The following ADRA1A variants were observed in gnomAD, a reference collection of about 807,000 sequenced individuals.
The protein encoded by ADRA1A is adrenoceptor alpha 1A, also known as alpha-1A adrenergic receptor.
Under a neutral mutation model 29.6 loss-of-function variants are expected in ADRA1A, and 31 were observed. The observed-to-expected ratio is 1.05, with a 90% CI of 0.79 to 1.41. ADRA1A has a LOEUF of 1.41. Among genes scored for constraint, ADRA1A ranks in the 40% most tolerant of loss-of-function variants. The pLI is 0.00. For synonymous variants in ADRA1A, 311 were observed against 254.3 expected (o/e 1.22, Z -2.12); for missense variants, 619 against 601.1 (o/e 1.03, Z -0.31).
chr8:26,749,480 A>G (rs1002584826), intron 2 of ADRA1A, among the ~76,000 whole-genome samples: 6 of 152,252 alleles, frequency 3.9e-5, no homozygotes, highest in African/African-American at 1.4e-4. Context: ...TAATGTGGTC[A>G]AAGATGATGC....
chr8:26,813,313 A>G (rs1809542214), intron 2 of ADRA1A, among the ~76,000 whole-genome samples: 2 of 152,236 alleles, frequency 1.3e-5, no homozygotes, highest in African/African-American at 2.4e-5. Context: ...GGCTTTTTAA[A>G]GCAGGATTGA....
chr8:26,839,128 T>A (rs1475991146), intron 2 of ADRA1A, among the ~76,000 whole-genome samples: 1 of 152,032 alleles, frequency 6.6e-6, no homozygotes, highest in Non-Finnish European at 1.5e-5. Flanking sequence ...AGGGTGCTAG[T>A]TAAGTGGTGC....
chr8:26,822,700 T>C (rs963450606), intron 2 of ADRA1A, among the ~76,000 whole-genome samples: 3 of 152,206 alleles, frequency 2.0e-5, no homozygotes, highest in South Asian at 2.1e-4. Context: ...TACAAAGGAA[T>C]GCCTGAGACT....
At chr8:26,791,972 T>G (rs914194239) in intron 2 of ADRA1A, among the ~76,000 whole-genome samples, 1 of 152,340 alleles carries the variant, frequency 6.6e-6, no homozygotes, top group East Asian at 1.9e-4. Flanking sequence ...CTTGTCCTTT[T>G]CTGAAACATT....
chr8:26,755,696 T>C (rs1237808007), downstream of ADRA1A, among the ~76,000 whole-genome samples: 1 of 152,116 alleles, frequency 6.6e-6, no homozygotes, highest in East Asian at 1.9e-4. Context: ...TTCACCAAGC[T>C]CCCATGGCAC....
In ADRA1A at chr8:26,864,369, G is replaced by A. The variant is rs61757008; in HGVS notation, c.601C>T (p.Leu201=). 64 of 1,613,902 alleles carry A rather than the reference G, an allele frequency of 4.0e-5. No individual in the cohort carries two copies. The highest frequency in any genetic ancestry group is 5.3e-5 in the Non-Finnish European group (62 of 1,180,036). ...GSFYLPLAII[L]VMYCRVYVVA... ...ACGTAGACGCGGCAGTACATGACCA[G>A]GATGATGGCCAGAGGCAGGTAGAAG... is the stretch of plus-strand genomic sequence containing the variant. The change falls in exon 2 of 3, where the codon CTG becomes TTG. Residue 201 remains leucine, a synonymous_variant. Transcript: ENST00000380573. This position sits in a 1 kb window ranked among gnomAD's most constrained non-coding sequence, Gnocchi z 8.1.
intron 2 of ADRA1A, among the ~76,000 whole-genome samples, chr8:26,760,038 A>G (rs1287666664): frequency 6.6e-6 from 1 of 152,182 alleles, no homozygotes; most frequent in East Asian, 1.9e-4. Context: ...GGTGGATAGG[A>G]GGCCACAGCG....
At chr8:26,798,625 A>C (rs1376311240) in intron 2 of ADRA1A, among the ~76,000 whole-genome samples, 1 of 152,198 alleles carries the variant, frequency 6.6e-6, no homozygotes, top group African/African-American at 2.4e-5. Flanking sequence ...TTTGACTATC[A>C]GGAGTCTAGT....
chr8:26,791,563 G>A (rs931663669), intron 2 of ADRA1A, among the ~76,000 whole-genome samples: 1 of 151,936 alleles, frequency 6.6e-6, no homozygotes, highest in Non-Finnish European at 1.5e-5. Context: ...TGGGTGCCAC[G>A]AAGCCTGTTT....
intron 2 of ADRA1A, among the ~76,000 whole-genome samples, chr8:26,833,149 A>T (rs1811109502): frequency 6.6e-6 from 1 of 152,142 alleles, no homozygotes; most frequent in Non-Finnish European, 1.5e-5. Context: ...AGAGTATAAA[A>T]TTTATTTCTA....
chr8:26,823,109 C>A lies in ADRA1A; in HGVS notation c.883+40978G>T, dbSNP rs1412322046. 2.6e-5 allele frequency among the ~76,000 whole-genome samples: 4 copies of A among 152,150 alleles called. No homozygotes were observed. Among genetic ancestry groups the A allele is most frequent in the Non-Finnish European group, 4.4e-5 (3 of 68,034 alleles). ...TTTTTCTCTCCTTTCCAACTGTGAA[C>A]TGTAATTTTTTGTTATAGGCATTAA... On this transcript the variant is annotated intron_variant, in intron 2 of 2. Transcript: ENST00000380573. This position sits in a 1 kb window ranked among gnomAD's most constrained non-coding sequence, Gnocchi z 4.2.
intron 2 of ADRA1A, among the ~76,000 whole-genome samples, chr8:26,774,201 T>C (rs572121181): frequency 6.6e-6 from 1 of 152,282 alleles, no homozygotes; most frequent in African/African-American, 2.4e-5. Context: ...AAACTGATAG[T>C]TCCACCAGGG....
exon 3 of ADRA1A, chr8:26,748,428 T>G: frequency 5.4e-6 from 1 of 184,346 alleles, no homozygotes; most frequent in Non-Finnish European, 1.1e-5. Context: ...AGGATTGCAC[T>G]GTTAAAAAAG....
At chr8:26,799,610 G>A (rs140436209) in intron 2 of ADRA1A, among the ~76,000 whole-genome samples, 1 of 152,272 alleles carries the variant, frequency 6.6e-6, no homozygotes, top group African/African-American at 2.4e-5. Flanking sequence ...CTAGAGCAAT[G>A]CTGATCTAAG....
At chr8:26,816,839 T>C (rs1348852406) in intron 2 of ADRA1A, among the ~76,000 whole-genome samples, 1 of 152,222 alleles carries the variant, frequency 6.6e-6, no homozygotes, top group Non-Finnish European at 1.5e-5. Flanking sequence ...TACAGGAGTT[T>C]GAACCTCCCT....
Position 26,866,927 on chromosome 8 carries a change from C to G in ADRA1A, c.-687+9G>C. On this transcript the variant is annotated intron_variant, in intron 1 of 2. Coordinates refer to ENST00000380573, the MANE Select transcript of ADRA1A (RefSeq NM_000680.4). The surrounding 1 kb of genome is among the most constrained non-coding windows in gnomAD (Gnocchi z 5.7). ...CGGCCCTGCGGGACGCCGGCCCCGGCGCACTCACCTGAAGCGCCGCTGCTG... is the reference window on the plus strand; with the variant it reads ...CGGCCCTGCGGGACGCCGGCCCCGGGGCACTCACCTGAAGCGCCGCTGCTG... 1 of 985,436 alleles carries G rather than the reference C, an allele frequency of 1.0e-6. No homozygotes were observed. Among genetic ancestry groups the G allele is most frequent in the Non-Finnish European group, 1.2e-6 (1 of 829,976 alleles). 61.0% of individuals were successfully genotyped at this position (985,436 alleles called of 1,614,324 possible). A position where few individuals can be genotyped will look rare whatever the true frequency, so the allele number is the denominator to read the frequency against.
rs1200652105 is a variant in ADRA1A at position 26,821,957 on chromosome 8, G to C, written c.883+42130C>G. ...GCTTGCTATTTTTTATTGCTAAGTAGGGGTGTATTACCATTTGCTTAACCC... is the reference window on the plus strand; with the variant it reads ...GCTTGCTATTTTTTATTGCTAAGTACGGGTGTATTACCATTTGCTTAACCC... On this transcript the variant is annotated intron_variant, in intron 2 of 2. Transcript: ENST00000380573. The surrounding 1 kb of genome is among the most constrained non-coding windows in gnomAD (Gnocchi z 5.6). Among the ~76,000 whole-genome samples the C allele has an allele frequency of 1.3e-5, 2 of 152,186 alleles. No individual in the cohort carries two copies. The highest frequency in any genetic ancestry group is 1.3e-4 in the Admixed American group (2 of 15,280).
At chr8:26,789,977 A>G (rs1480141285) in intron 2 of ADRA1A, among the ~76,000 whole-genome samples, 1 of 152,216 alleles carries the variant, frequency 6.6e-6, no homozygotes, top group Non-Finnish European at 1.5e-5. Flanking sequence ...GGATGGGAAG[A>G]AAAGGGAACT....
At position 26,864,412 on chromosome 8, in the gene ADRA1A, G is replaced by C; in HGVS notation, c.558C>G (p.Leu186=). 1 of 1,613,572 alleles carries C rather than the reference G, an allele frequency of 6.2e-7. No homozygotes were observed. ...GGTAGAAGGAGCCCAGCGCTGAGAA[G>C]AGCACGTAGCCCGGCTCCTCGTTGA... The part of the protein sequence containing the change: ...CQINEEPGYV[L]FSALGSFYLP... Residue 186 remains leucine, a synonymous_variant, in exon 2 of 3, where the codon CTC becomes CTG. Transcript: ENST00000380573. The surrounding 1 kb of genome is among the most constrained non-coding windows in gnomAD (Gnocchi z 8.1).
Sources: gnomAD v4.1 joint callset for allele counts (sites outside exome capture counted in the v4.1 genomes callset) on GRCh38, gnomAD v4.1.1 for gene constraint, Gnocchi (gnomAD v3.1) non-coding constraint, MANE v1.5 for transcripts, NCBI Gene and HGNC (gene_info 2026-07-23, HGNC 2026-07-21) for gene names.